The following SLIT3 variants were observed in gnomAD, a reference collection of about 807,000 sequenced individuals.
SLIT3 encodes the protein slit homolog 3 protein.
A neutral mutation model predicts 184.0 loss-of-function variants in SLIT3; 68 were observed. The ratio of observed to expected loss-of-function variants is 0.37; its 90% CI spans 0.30 to 0.45. The LOEUF (loss-of-function observed/expected upper bound fraction) is 0.45, where lower values mean the gene tolerates loss of function less well. Among genes scored for constraint, SLIT3 ranks in the 20% least tolerant of loss-of-function variants. The probability of loss-of-function intolerance (pLI) is 1.00; values close to 1 mark genes in which losing one functional copy is unlikely to be tolerated. For synonymous variants in SLIT3, 831 were observed against 828.6 expected (o/e 1.00, Z -0.05); for missense variants, 1,707 against 2,026.0 (o/e 0.84, Z 3.02).
At chr5:169,208,766 C>A (rs572089923) in intron 3 of SLIT3, among the ~76,000 whole-genome samples, 4 of 152,210 alleles carry the variant, frequency 2.6e-5, no homozygotes, top group Admixed American at 2.6e-4. Context: ...CTTCCTTATA[C>A]CTTAGACAAA....
intron 4 of SLIT3, among the ~76,000 whole-genome samples, chr5:169,100,022 A>G (rs895381463): frequency 1.4e-4 from 21 of 152,264 alleles, no homozygotes; most frequent in African/African-American, 5.1e-4. Context: ...TTTAGCTTGG[A>G]ACGCCTTGTT....
At chr5:169,065,982 G>A (rs553699760) in intron 4 of SLIT3, among the ~76,000 whole-genome samples, 1 of 152,312 alleles carries the variant, frequency 6.6e-6, no homozygotes, top group Admixed American at 6.5e-5. Context: ...CAAAAAGTGT[G>A]CAAGGCAGGT....
intron 3 of SLIT3, among the ~76,000 whole-genome samples, chr5:169,241,189 C>G (rs1009152017): frequency 1.8e-4 from 27 of 152,300 alleles, no homozygotes; most frequent in African/African-American, 6.5e-4. Flanking sequence ...CATCCACTCT[C>G]TGGCAACCAG....
intron 1 of SLIT3, among the ~76,000 whole-genome samples, chr5:169,276,299 G>A (rs867369404): frequency 6.6e-6 from 1 of 152,104 alleles, no homozygotes; most frequent in Non-Finnish European, 1.5e-5. Flanking sequence ...CAGCCCAGGA[G>A]ACCTGTAGAC....
intron 4 of SLIT3, among the ~76,000 whole-genome samples, chr5:169,174,129 G>A (rs1182535449): frequency 6.6e-6 from 1 of 152,226 alleles, no homozygotes; most frequent in Non-Finnish European, 1.5e-5. Flanking sequence ...GCAGAGGTGA[G>A]ATGTGGATGA....
intron 4 of SLIT3, among the ~76,000 whole-genome samples, chr5:168,884,398 G>C (rs1282665870): frequency 1.6e-5 from 2 of 127,198 alleles, no homozygotes; most frequent in Non-Finnish European, 3.3e-5. Context: ...ACTTTCTTCA[G>C]ATATAAAAGG....
chr5:169,069,507 G>A (rs1029309640), intron 4 of SLIT3, among the ~76,000 whole-genome samples: 1 of 152,106 alleles, frequency 6.6e-6, no homozygotes, highest in Non-Finnish European at 1.5e-5. Context: ...AGAGAGAGAG[G>A]GCCCTACCCT....
chr5:169,227,442 T>G lies in SLIT3; in HGVS notation c.341+17263A>C, dbSNP rs946826575. ...TAAGTGTGGTTTTGTCATTATTATG[T>G]TTTTTTAGAAAGTCTCACTCTGTCA... On this transcript the variant is annotated intron_variant, in intron 3 of 35. Transcript: ENST00000519560. Among the ~76,000 whole-genome samples the G allele has an allele frequency of 2.6e-5, 4 of 152,132 alleles. 1 individual carries two copies. In the South Asian group the frequency reaches 8.3e-4, roughly 32 times the overall value.
chr5:169,049,378 C>T (rs1247277427), intron 4 of SLIT3, among the ~76,000 whole-genome samples: 1 of 152,092 alleles, frequency 6.6e-6, no homozygotes, highest in Non-Finnish European at 1.5e-5. Context: ...AGGAAGTCAG[C>T]AGGAATCAAC....
chr5:169,253,673 T>C (rs1209061157), intron 1 of SLIT3, among the ~76,000 whole-genome samples: 1 of 152,182 alleles, frequency 6.6e-6, no homozygotes, highest in Non-Finnish European at 1.5e-5. Flanking sequence ...GCTATTACTG[T>C]AATTAGTTGA....
intron 15 of SLIT3, among the ~76,000 whole-genome samples, chr5:168,761,623 T>C (rs1218020955): frequency 6.6e-6 from 1 of 152,128 alleles, no homozygotes; most frequent in African/African-American, 2.4e-5. Flanking sequence ...AAGGAGCAAA[T>C]GGCCTAATCT....
intron 16 of SLIT3, among the ~76,000 whole-genome samples, chr5:168,756,416 G>A (rs775909337): frequency 2.3e-4 from 35 of 152,226 alleles, no homozygotes; most frequent in Non-Finnish European, 4.4e-4. Context: ...GTGGGCAGGT[G>A]TGGAGGAAAC....
intron 5 of SLIT3, among the ~76,000 whole-genome samples, chr5:168,857,857 C>T (rs774673861): frequency 1.3e-5 from 2 of 152,210 alleles, no homozygotes; most frequent in Non-Finnish European, 2.9e-5. Flanking sequence ...AAGCCCTCAA[C>T]GGTGTGCCTA....
chr5:168,777,632 G>C (rs1235279179), intron 12 of SLIT3, among the ~76,000 whole-genome samples: 1 of 152,228 alleles, frequency 6.6e-6, no homozygotes, highest in Non-Finnish European at 1.5e-5. Context: ...CCAAGGTGCA[G>C]AGCTCATGAA....
intron 1 of SLIT3, among the ~76,000 whole-genome samples, chr5:169,272,639 G>A (rs773336756): frequency 2.6e-5 from 4 of 152,186 alleles, no homozygotes; most frequent in Non-Finnish European, 4.4e-5. Context: ...AAGACCATGT[G>A]AGAAGAGAAA....
At chr5:169,008,757 C>T (rs1756030726) in intron 4 of SLIT3, among the ~76,000 whole-genome samples, 1 of 152,136 alleles carries the variant, frequency 6.6e-6, no homozygotes, top group Non-Finnish European at 1.5e-5. Flanking sequence ...TGCCTTGCAT[C>T]CTCTTTTTCA....
chr5:168,713,237 C>T (rs929880488), intron 23 of SLIT3, among the ~76,000 whole-genome samples: 16 of 152,276 alleles, frequency 1.1e-4, no homozygotes, highest in Middle Eastern at 3.4e-3. Context: ...TTGGAGGGGC[C>T]GGGCACCCCA....
intron 8 of SLIT3, among the ~76,000 whole-genome samples, chr5:168,808,161 C>T (rs964204587): frequency 6.6e-6 from 1 of 150,914 alleles, no homozygotes; most frequent in Non-Finnish European, 1.5e-5. Flanking sequence ...CTAATGGAGA[C>T]CATGGAAAAT....
At chr5:168,814,846 A>C (rs1036727423) in intron 8 of SLIT3, among the ~76,000 whole-genome samples, 49 of 152,214 alleles carry the variant, frequency 3.2e-4, no homozygotes, top group Non-Finnish European at 5.4e-4. Context: ...TGATGGTAGG[A>C]GTTCAATCTT....
Sources: allele counts gnomAD v4.1 joint callset (sites outside exome capture counted in the v4.1 genomes callset), GRCh38; gene constraint gnomAD v4.1.1; transcripts MANE v1.5; gene names NCBI Gene and HGNC (gene_info 2026-07-23, HGNC 2026-07-21).